Variants in MBD5 observed in about 807,000 individuals in gnomAD.
MBD5 encodes methyl-CpG binding domain protein 5.
A neutral mutation model predicts 117.3 loss-of-function variants in MBD5; 13 were observed. The ratio of observed to expected loss-of-function variants is 0.11; its 90% confidence interval spans 0.07 to 0.18. The LOEUF is 0.18. Among genes scored for constraint, MBD5 ranks in the 10% least tolerant of loss-of-function variants. The pLI is 1.00. For missense variants in MBD5, 1,879 were observed against 2,093.8 expected, an observed-to-expected ratio of 0.90 and a Z score of 2.00; for synonymous variants, 727 against 766.4, an observed-to-expected ratio of 0.95 and a Z score of 0.85.
At chr2:148,478,418 A>C (rs1023726357) in intron 8 of MBD5, among the ~76,000 whole-genome samples, 11 of 152,120 alleles carry the variant, frequency 7.2e-5, no homozygotes, top group African/African-American at 2.7e-4. Flanking sequence ...CCCTGTCTGT[A>C]CTAAAAATAC....
At chr2:148,035,274 C>T (rs975917967) in intron 1 of MBD5, among the ~76,000 whole-genome samples, 11 of 151,956 alleles carry the variant, frequency 7.2e-5, no homozygotes, top group African/African-American at 2.7e-4. Context: ...AAGCAGGGTG[C>T]ACTATTAGTA....
chr2:148,396,708 T>G (rs1704725405), intron 4 of MBD5, among the ~76,000 whole-genome samples: 1 of 152,182 alleles, frequency 6.6e-6, no homozygotes, highest in African/African-American at 2.4e-5. Context: ...GAAAGGCATT[T>G]GGAAAAGATC....
chr2:148,177,970 A>G (rs1182249352), intron 1 of MBD5, among the ~76,000 whole-genome samples: 1 of 152,212 alleles, frequency 6.6e-6, no homozygotes, highest in African/African-American at 2.4e-5. Context: ...AGCCTGAGCA[A>G]CACAGGGAGA....
At chr2:148,380,972 G>A (rs968587357) in intron 4 of MBD5, among the ~76,000 whole-genome samples, 9 of 152,194 alleles carry the variant, frequency 5.9e-5, no homozygotes, top group South Asian at 2.1e-4. Context: ...CCATCTGTAC[G>A]TCACCATCAT....
intron 4 of MBD5, among the ~76,000 whole-genome samples, chr2:148,440,813 A>T (rs545754788): frequency 1.3e-5 from 2 of 152,336 alleles, no homozygotes; most frequent in African/African-American, 4.8e-5. Flanking sequence ...AGGATAACAA[A>T]AGGTTACTTT....
chr2:148,225,193 A>C (rs1226853055), intron 2 of MBD5, among the ~76,000 whole-genome samples: 1 of 151,896 alleles, frequency 6.6e-6, no homozygotes, highest in Non-Finnish European at 1.5e-5. Context: ...CTTGCCTTTT[A>C]TGTTTTGTGT....
At chr2:148,329,171 G>C (rs1379184101) in intron 3 of MBD5, among the ~76,000 whole-genome samples, 1 of 152,110 alleles carries the variant, frequency 6.6e-6, no homozygotes, top group Non-Finnish European at 1.5e-5. Flanking sequence ...TATATCAGAT[G>C]GAGCAAATAC....
Position 148,490,104 on chromosome 2 carries a change from A to G in MBD5, c.4472A>G (p.Lys1491Arg). 1 of 1,614,130 alleles carries G rather than the reference A, an allele frequency of 6.2e-7. No individual in the cohort carries two copies. Among genetic ancestry groups the G allele is most frequent in the South Asian group, 1.1e-5 (1 of 91,060 alleles). Reference protein sequence around the residue: ...LLPPRNCPGDKILEENFRYNN... With the variant: ...LLPPRNCPGDRILEENFRYNN... ...CCACCAAGAAACTGTCCAGGGGATAAAATTCTAGAGGAAAATTTCAGGTAT... is the reference window on the plus strand; with the variant it reads ...CCACCAAGAAACTGTCCAGGGGATAGAATTCTAGAGGAAAATTTCAGGTAT... Residue 1491 changes from lysine (K) to arginine (R), a missense_variant, in exon 11 of 14, where the codon AAA becomes AGA. Coordinates refer to ENST00000642680, the MANE Select transcript of MBD5 (RefSeq NM_001378120.1).
intron 3 of MBD5, among the ~76,000 whole-genome samples, chr2:148,340,347 T>G (rs1702905012): frequency 6.6e-6 from 1 of 152,168 alleles, no homozygotes; most frequent in Admixed American, 6.6e-5. Context: ...TTTTTATTGT[T>G]AAATTTAGGC....
rs1693712660 is a variant in MBD5, at chr2:148,021,431, C to A, written c.-1178C>A. ...AGGAGGAGAGAAAGAAACCAAAAGC[C>A]TCTTAGCAACACAGACCCTTTGCTG... On this transcript the variant is annotated 5_prime_UTR_variant, in exon 1 of 14. Coordinates refer to ENST00000642680, the MANE Select transcript of MBD5 (RefSeq NM_001378120.1). 7.2e-5 allele frequency: 40 copies of A among 557,806 alleles called. 2 individuals carry two copies. Among genetic ancestry groups the A allele is most frequent in the South Asian group, 5.2e-4 (34 of 65,944 alleles). The allele number at this position is 557,806 out of a possible 1,614,324, so 34.6% of individuals were successfully genotyped here. A position where few individuals can be genotyped will look rare whatever the true frequency, so the allele number is the denominator to read the frequency against.
At chr2:148,139,789 C>T (rs1178320884) in intron 1 of MBD5, among the ~76,000 whole-genome samples, 2 of 152,148 alleles carry the variant, frequency 1.3e-5, no homozygotes, top group Non-Finnish European at 2.9e-5. Flanking sequence ...CGTACTGGTG[C>T]ATCTCTGAGC....
At chr2:148,439,400 G>T (rs1706251411) in intron 4 of MBD5, among the ~76,000 whole-genome samples, 1 of 152,060 alleles carries the variant, frequency 6.6e-6, no homozygotes, top group African/African-American at 2.4e-5. Flanking sequence ...AAGTTAATAT[G>T]ATAATACTAT....
intron 3 of MBD5, among the ~76,000 whole-genome samples, chr2:148,320,522 A>G (rs1028064170): frequency 3.3e-5 from 5 of 151,880 alleles, no homozygotes; most frequent in African/African-American, 1.2e-4. Flanking sequence ...TGCCCAGCTA[A>G]TTTTTGTATT....
chr2:148,306,887 T>C (rs576405413), intron 3 of MBD5, among the ~76,000 whole-genome samples: 1 of 152,334 alleles, frequency 6.6e-6, no homozygotes, highest in African/African-American at 2.4e-5. Context: ...ATTTCTGGAA[T>C]ATTTATATCA....
chr2:148,425,525 A>G (rs991066993), intron 4 of MBD5, among the ~76,000 whole-genome samples: 2 of 152,304 alleles, frequency 1.3e-5, no homozygotes, highest in African/African-American at 4.8e-5. Flanking sequence ...AATCCTCCCT[A>G]ACTCATTTTA....
At chr2:148,370,484 T>C (rs1176302542) in intron 4 of MBD5, among the ~76,000 whole-genome samples, 1 of 152,068 alleles carries the variant, frequency 6.6e-6, no homozygotes, top group East Asian at 1.9e-4. Context: ...AGCCTATTTA[T>C]TTATTTATTT....
In MBD5 at chr2:148,448,270, A is replaced by C. The variant is rs181195295; in HGVS notation, c.-556-9933A>C. ...CCTTTTCTAAAAACTGCACAGAAAT[A>C]ATCTTCCTCCTCTTGTTTCTTGAAA... On this transcript the variant is annotated intron_variant, in intron 4 of 13. Transcript: ENST00000642680. Among the ~76,000 whole-genome samples, 15 of 152,256 alleles carry C rather than the reference A, an allele frequency of 9.9e-5. No individual in the cohort carries two copies. In the East Asian group the frequency reaches 2.7e-3, roughly 27 times the overall value.
At chr2:148,102,567 G>A (rs998337736) in intron 1 of MBD5, among the ~76,000 whole-genome samples, 39 of 151,900 alleles carry the variant, frequency 2.6e-4, no homozygotes, top group African/African-American at 9.2e-4. Flanking sequence ...GTGTTCTTTC[G>A]GTGGTATCAG....
At chr2:148,163,084 AATTCAGTATACTT>A (rs1698046314) in intron 1 of MBD5, among the ~76,000 whole-genome samples, 1 of 152,238 alleles carries the variant, frequency 6.6e-6, no homozygotes, top group African/African-American at 2.4e-5. Flanking sequence ...ATGTTAAGAT[AATTCAGTATACTT>A]TTCTTGTTCT....
Sources: allele counts gnomAD v4.1 joint callset (sites outside exome capture counted in the v4.1 genomes callset), GRCh38; gene constraint gnomAD v4.1.1; transcripts MANE v1.5; gene names NCBI Gene and HGNC (gene_info 2026-07-23, HGNC 2026-07-21).